The following NELL1 variants were observed in gnomAD, a reference collection of about 807,000 sequenced individuals.
NELL1 encodes protein kinase C-binding protein NELL1.
In NELL1, 76 loss-of-function variants were observed where a neutral mutation model predicts 107.4. The observed-to-expected ratio is 0.71, with a 90% confidence interval of 0.59 to 0.86. The LOEUF is 0.86. Among genes scored for constraint, NELL1 ranks in the 40% least tolerant of loss-of-function variants. The pLI, the probability that NELL1 is intolerant of heterozygous loss-of-function variation, is 0.00. For synonymous variants in NELL1, 353 were observed against 341.2 expected, an observed-to-expected ratio of 1.03 and a Z score of -0.38; for missense variants, 1,024 against 1,005.5, an observed-to-expected ratio of 1.02 and a Z score of -0.25.
At chr11:21,541,873 C>A (rs911231677) in intron 16 of NELL1, among the ~76,000 whole-genome samples, 1 of 152,066 alleles carries the variant, frequency 6.6e-6, no homozygotes, top group Non-Finnish European at 1.5e-5. Flanking sequence ...AGTTCCCTCA[C>A]CTGTCACATG....
intron 5 of NELL1, among the ~76,000 whole-genome samples, chr11:20,898,186 A>C (rs1849791950): frequency 6.6e-6 from 1 of 152,192 alleles, no homozygotes; most frequent in African/African-American, 2.4e-5. Flanking sequence ...TCCAACAATG[A>C]TAGACTGGAT....
chr11:21,408,597 T>G (rs1564880303), intron 15 of NELL1, among the ~76,000 whole-genome samples: 1 of 152,008 alleles, frequency 6.6e-6, no homozygotes, highest in Non-Finnish European at 1.5e-5. Flanking sequence ...GTTGCGAAAA[T>G]TTTCTCCCAT....
intron 15 of NELL1, among the ~76,000 whole-genome samples, chr11:21,403,646 C>T (rs1165012354): frequency 6.6e-6 from 1 of 151,196 alleles, no homozygotes; most frequent in African/African-American, 2.4e-5. Flanking sequence ...GCTCTCACTG[C>T]ACTAATTGGA....
intron 1 of NELL1, among the ~76,000 whole-genome samples, chr11:20,673,212 T>C (rs1458616929): frequency 2.0e-5 from 3 of 151,970 alleles, no homozygotes; most frequent in East Asian, 1.9e-4. Flanking sequence ...AATTATGAAT[T>C]GAATAATGGA....
At chr11:20,727,761 A>G (rs1004840413) in intron 2 of NELL1, among the ~76,000 whole-genome samples, 3 of 152,086 alleles carry the variant, frequency 2.0e-5, no homozygotes, top group Admixed American at 1.3e-4. Context: ...TCCATCTTGA[A>G]TTAATTTTTG....
At chr11:21,276,432 T>C (rs1198010900) in intron 14 of NELL1, among the ~76,000 whole-genome samples, 3 of 152,336 alleles carry the variant, frequency 2.0e-5, no homozygotes, top group African/African-American at 7.2e-5. Flanking sequence ...TCCATGCTCA[T>C]TGGTAGGAAG....
intron 2 of NELL1, among the ~76,000 whole-genome samples, chr11:20,754,987 A>T (rs1260217480): frequency 6.6e-6 from 1 of 152,178 alleles, no homozygotes; most frequent in Non-Finnish European, 1.5e-5. Context: ...GTTTTATTCA[A>T]TTCAAATATT....
At chr11:21,151,563 T>G (rs1446857917) in intron 13 of NELL1, among the ~76,000 whole-genome samples, 6 of 152,216 alleles carry the variant, frequency 3.9e-5, no homozygotes, top group African/African-American at 1.4e-4. Flanking sequence ...TTACTTCTCT[T>G]CTGTGAGCCT....
intron 15 of NELL1, among the ~76,000 whole-genome samples, chr11:21,520,132 A>C (rs1472414099): frequency 6.6e-6 from 1 of 152,124 alleles, no homozygotes; most frequent in Non-Finnish European, 1.5e-5. Context: ...CCGCCAATAC[A>C]TCCATCTCAC....
intron 15 of NELL1, among the ~76,000 whole-genome samples, chr11:21,392,347 A>G (rs56368549): frequency 0.022 from 3,417 of 151,918 alleles, 118 homozygotes; most frequent in African/African-American, 0.077. Context: ...ACTGAGTCCT[A>G]TGCAATAAGT....
chr11:21,213,589 G>T (rs1012640660), intron 13 of NELL1, among the ~76,000 whole-genome samples: 1 of 152,022 alleles, frequency 6.6e-6, no homozygotes, highest in Non-Finnish European at 1.5e-5. Context: ...GAATATTAAG[G>T]ATTTCTTTAT....
At chr11:20,782,033 C>T (rs902056422) in intron 2 of NELL1, among the ~76,000 whole-genome samples, 64 of 140,190 alleles carry the variant, frequency 4.6e-4, no homozygotes, top group Non-Finnish European at 2.0e-4. Flanking sequence ...GAGTGAGACC[C>T]TCATCTCAAA....
In NELL1 at chr11:21,362,206, C is replaced by G. The variant is rs866373547; in HGVS notation, c.1550-8647C>G. Among the ~76,000 whole-genome samples, 35 of 152,288 alleles carry G rather than the reference C, an allele frequency of 2.3e-4. 1 individual carries two copies. The highest frequency in any genetic ancestry group is 2.6e-4 in the Admixed American group (4 of 15,298). On this transcript the variant is annotated intron_variant, in intron 14 of 19. Coordinates refer to ENST00000357134, the MANE Select transcript of NELL1 (RefSeq NM_006157.5). ...GATGATCCCCTGATATAATGCTCTC[C>G]CACTTTCCCCAGAGATGGGACTTCC...
intron 3 of NELL1, among the ~76,000 whole-genome samples, chr11:20,823,780 C>T (rs1467635135): frequency 6.6e-6 from 1 of 150,992 alleles, no homozygotes; most frequent in African/African-American, 2.4e-5. Context: ...AGGAAACAGC[C>T]ACCCAACCAG....
At chr11:20,901,561 ATT>A (rs11375119) in intron 5 of NELL1, among the ~76,000 whole-genome samples, 6 of 147,332 alleles carry the variant, frequency 4.1e-5, no homozygotes, top group Middle Eastern at 3.5e-3. Flanking sequence ...TCCCAAGAGG[ATT>A]TTTTTTTTTT....
At chr11:21,092,389 T>A (rs1470590013) in intron 12 of NELL1, among the ~76,000 whole-genome samples, 1 of 152,152 alleles carries the variant, frequency 6.6e-6, no homozygotes, top group Non-Finnish European at 1.5e-5. Context: ...TGTGCCTTAG[T>A]TTTTCCCATC....
At chr11:21,451,147 G>T (rs1336062180) in intron 15 of NELL1, among the ~76,000 whole-genome samples, 1 of 138,628 alleles carries the variant, frequency 7.2e-6, no homozygotes, top group Non-Finnish European at 1.5e-5. Flanking sequence ...AGATCGCGCC[G>T]CTGCACTCCA....
chr11:20,791,051 A>T (rs1041517523), intron 3 of NELL1, among the ~76,000 whole-genome samples: 8 of 152,136 alleles, frequency 5.3e-5, no homozygotes, highest in Non-Finnish European at 1.0e-4. Context: ...TGTTTTGGTT[A>T]TTCTATTTCC....
intron 13 of NELL1, among the ~76,000 whole-genome samples, chr11:21,155,603 T>G (rs1856213996): frequency 1.3e-5 from 2 of 152,028 alleles, no homozygotes; most frequent in African/African-American, 4.8e-5. Flanking sequence ...CAAGTAACAG[T>G]GTTGTAAAAC....
Sources: gnomAD v4.1 joint callset for allele counts (sites outside exome capture counted in the v4.1 genomes callset) on GRCh38, gnomAD v4.1.1 for gene constraint, MANE v1.5 for transcripts, NCBI Gene and HGNC (gene_info 2026-07-23, HGNC 2026-07-21) for gene names.